Variants in PCDHA13 observed in about 807,000 individuals in gnomAD.
PCDHA13 encodes protocadherin alpha 13.
PCDHA13 carries 54 observed loss-of-function variants against 64.8 expected under a neutral mutation model. The ratio of observed to expected loss-of-function variants is 0.83; its 90% confidence interval spans 0.67 to 1.04. The LOEUF (loss-of-function observed/expected upper bound fraction) is 1.04. Among genes scored for constraint, PCDHA13 ranks in the 50% least tolerant of loss-of-function variants. The probability of loss-of-function intolerance (pLI) is 0.00; values close to 1 mark genes in which losing one functional copy is unlikely to be tolerated. For synonymous variants in PCDHA13, 587 were observed against 564.4 expected, an observed-to-expected ratio of 1.04 and a Z score of -0.57; for missense variants, 1,248 against 1,254.3, an observed-to-expected ratio of 0.99 and a Z score of 0.08.
intron 1 of PCDHA13, among the ~76,000 whole-genome samples, chr5:140,924,739 ACAAAAATTAACCGAG>A (rs2081980485): frequency 6.6e-6 from 1 of 151,884 alleles, no homozygotes; most frequent in Non-Finnish European, 1.5e-5. Flanking sequence ...TAATAAAAAT[ACAAAAATTAACCGAG>A]CATGGTGGTG....
At chr5:140,967,219 C>G in intron 1 of PCDHA13, 1 of 1,613,772 alleles carries the variant, frequency 6.2e-7, no homozygotes, top group Non-Finnish European at 8.5e-7. Flanking sequence ...TCCCGCGGCC[C>G]AACTACCAGC....
At position 140,928,347 on chromosome 5, in the gene PCDHA13, G is replaced by A. The variant is rs139222568; in HGVS notation, c.2394+43685G>A. 5 of 1,614,148 alleles carry A rather than the reference G, an allele frequency of 3.1e-6. No homozygotes were observed. The African/African-American group carries it at 5.3e-5, about 17-fold the overall frequency. On this transcript the variant is annotated intron_variant, in intron 1 of 3. Coordinates refer to ENST00000289272, the MANE Select transcript of PCDHA13 (RefSeq NM_018904.3). ...ATGGCCTTGTCTCTTATGAGCTGTT[G>A]GATGTTATCTCTGAAGGGCCATCAG...
chr5:140,901,611 T>C (rs1261733801), intron 1 of PCDHA13, among the ~76,000 whole-genome samples: 1 of 152,204 alleles, frequency 6.6e-6, no homozygotes, highest in Non-Finnish European at 1.5e-5. Flanking sequence ...ATCTCTATGG[T>C]ATAATTTGAA....
At chr5:140,953,254 C>A (rs1483553184) in intron 1 of PCDHA13, among the ~76,000 whole-genome samples, 3 of 152,098 alleles carry the variant, frequency 2.0e-5, no homozygotes, top group Non-Finnish European at 2.9e-5. Flanking sequence ...CAGTTTAGTT[C>A]TTTTAGCTTT....
chr5:140,927,506 C>G (rs1554204645), intron 1 of PCDHA13: 1 of 1,614,128 alleles, frequency 6.2e-7, no homozygotes, highest in Non-Finnish European at 8.5e-7. Context: ...GTGCTTACAG[C>G]TCGGGACGGC....
intron 1 of PCDHA13, among the ~76,000 whole-genome samples, chr5:140,960,717 T>TATTTTAGTCCATG (rs1244851083): frequency 3.3e-5 from 1 of 30,264 alleles, no homozygotes; most frequent in Non-Finnish European, 6.2e-5. Flanking sequence ...ATACTCATCT[T>TATTTTAGTCCATG]ATTTTAGTCC....
chr5:140,964,251 T>A (rs2095820730), intron 1 of PCDHA13, among the ~76,000 whole-genome samples: 2 of 152,330 alleles, frequency 1.3e-5, no homozygotes, highest in Non-Finnish European at 1.5e-5. Flanking sequence ...TGGCTTTATA[T>A]TTGACTCCTT....
At chr5:140,947,238 A>G (rs1252869330) in intron 1 of PCDHA13, among the ~76,000 whole-genome samples, 2 of 151,618 alleles carry the variant, frequency 1.3e-5, no homozygotes, top group Non-Finnish European at 3.0e-5. Flanking sequence ...GGAAAAAAAA[A>G]TAAGATAATC....
chr5:140,912,241 T>C (rs939016891), intron 1 of PCDHA13, among the ~76,000 whole-genome samples: 1 of 152,164 alleles, frequency 6.6e-6, no homozygotes, highest in African/African-American at 2.4e-5. Flanking sequence ...GACTCAAATG[T>C]TAATCTCCTT....
At chr5:140,898,956 T>C (rs1352076218) in intron 1 of PCDHA13, among the ~76,000 whole-genome samples, 4 of 152,130 alleles carry the variant, frequency 2.6e-5, no homozygotes, top group Admixed American at 2.6e-4. Context: ...GAAGCAGTTG[T>C]GAATGGGAGT....
At chr5:140,895,115 T>C (rs2064854715) in intron 1 of PCDHA13, among the ~76,000 whole-genome samples, 1 of 152,182 alleles carries the variant, frequency 6.6e-6, no homozygotes, top group Non-Finnish European at 1.5e-5. Flanking sequence ...CAAGAAGACA[T>C]TTGTTAGTTG....
At chr5:140,966,125 C>T (rs1443798693) in intron 1 of PCDHA13, 1 of 159,140 alleles carries the variant, frequency 6.3e-6, no homozygotes, top group African/African-American at 2.4e-5. Context: ...TTAGCTAAGG[C>T]CCCTCAGTTT....
chr5:140,972,893 A>T (rs1452751778), intron 1 of PCDHA13, among the ~76,000 whole-genome samples: 1 of 151,858 alleles, frequency 6.6e-6, no homozygotes, highest in African/African-American at 2.4e-5. Context: ...CGATCTCTTG[A>T]CCTTGTGATC....
rs142866496 is a variant in PCDHA13, at chr5:140,917,224, G to A, written c.2394+32562G>A. Among the ~76,000 whole-genome samples, 29 of 151,040 alleles carry A rather than the reference G, an allele frequency of 1.9e-4. No homozygotes were observed. In the East Asian group the frequency reaches 2.2e-3, roughly 11 times the overall value. ...TCTTCAATGCCTCTTTTAGTGATAC[G>A]TTGTTAAATCTAGGTACTACGATTG... On this transcript the variant is annotated intron_variant, in intron 1 of 3. Transcript: ENST00000289272.
In PCDHA13 at chr5:140,883,179, C is replaced by A; in HGVS notation, c.911C>A (p.Thr304Lys). 2.5e-6 allele frequency: 4 copies of A among 1,613,776 alleles called. No homozygotes were observed. Among genetic ancestry groups the A allele is most frequent in the Non-Finnish European group, 1.7e-6 (2 of 1,179,996 alleles). ...AATCCGAACAATGGAGAAATTAGGA[C>A]AAAAGGCAAACTAGATTTCGAAGAA... ...TINPNNGEIR[T>K]KGKLDFEEKK... The change falls in exon 1 of 4, where the codon ACA becomes AAA. Residue 304 changes from threonine to lysine, a missense_variant. Transcript: ENST00000289272.
intron 1 of PCDHA13, among the ~76,000 whole-genome samples, chr5:140,919,033 G>T (rs149900813): frequency 6.6e-6 from 1 of 152,282 alleles, no homozygotes; most frequent in African/African-American, 2.4e-5. Flanking sequence ...CTGCCTAGTT[G>T]TTGTCCATTA....
At chr5:140,994,178 A>G (rs2097601690) in intron 3 of PCDHA13, among the ~76,000 whole-genome samples, 1 of 152,226 alleles carries the variant, frequency 6.6e-6, no homozygotes, top group Admixed American at 6.5e-5. Context: ...AAGCTGGGAC[A>G]AACCACCAGG....
intron 3 of PCDHA13, among the ~76,000 whole-genome samples, chr5:141,005,570 C>T (rs2098221993): frequency 6.6e-6 from 1 of 151,052 alleles, no homozygotes; most frequent in African/African-American, 2.4e-5. Context: ...GGCATGGTGG[C>T]GCGTGCCTGT....
intron 1 of PCDHA13, among the ~76,000 whole-genome samples, chr5:140,903,607 A>G (rs938837767): frequency 6.6e-6 from 1 of 152,254 alleles, no homozygotes; most frequent in Non-Finnish European, 1.5e-5. Context: ...TGCTTAATAC[A>G]CATGAATGTG....
Sources: gnomAD v4.1 joint callset for allele counts (sites outside exome capture counted in the v4.1 genomes callset) on GRCh38, gnomAD v4.1.1 for gene constraint, MANE v1.5 for transcripts, NCBI Gene and HGNC (gene_info 2026-07-23, HGNC 2026-07-21) for gene names.